The following XXYLT1 variants were observed in gnomAD, a reference collection of about 807,000 sequenced individuals.
The protein encoded by XXYLT1 is UDP-xylose:alpha-xyloside alpha-1,3-xylosyltransferase.
Under a neutral mutation model 28.9 loss-of-function variants are expected in XXYLT1, and 20 were observed. The ratio of observed to expected loss-of-function variants is 0.69; its 90% CI spans 0.49 to 1.00. The LOEUF (loss-of-function observed/expected upper bound fraction) is 1.00. XXYLT1 is among the 50% of genes least tolerant of loss of function. The probability of loss-of-function intolerance (pLI) is 0.00; values close to 1 mark genes in which losing one functional copy is unlikely to be tolerated. For synonymous variants in XXYLT1, 257 were observed against 253.8 expected (o/e 1.01, Z -0.12); for missense variants, 542 against 560.1 (o/e 0.97, Z 0.33).
At chr3:195,267,197 C>T (rs1725873000) in intron 1 of XXYLT1, among the ~76,000 whole-genome samples, 1 of 152,256 alleles carries the variant, frequency 6.6e-6, no homozygotes, top group Non-Finnish European at 1.5e-5. Flanking sequence ...CGTGCCAGTT[C>T]ACTGTGGCCC....
At chr3:195,171,652 C>T (rs771335331) in intron 2 of XXYLT1, among the ~76,000 whole-genome samples, 4 of 152,222 alleles carry the variant, frequency 2.6e-5, no homozygotes, top group Non-Finnish European at 5.9e-5. Flanking sequence ...AAAGCGTGTA[C>T]TGCTCTGATG....
At position 195,209,606 on chromosome 3, in the gene XXYLT1, G is replaced by C. The variant is rs997534772; in HGVS notation, c.652+17103C>G. The stretch of plus-strand genomic sequence containing the variant: ...GGCGAGGCCTTCAAGCCAGAACGGA[G>C]AGCTCAGCAAGCCCAGGCAGTGGGA... On this transcript the variant is annotated intron_variant, in intron 2 of 3. Coordinates refer to ENST00000310380, the MANE Select transcript of XXYLT1 (RefSeq NM_152531.5). The surrounding 1 kb of genome is among the most constrained non-coding windows in gnomAD (Gnocchi z 5.0). The C allele has an allele frequency of 6.6e-5, 10 of 152,654 alleles. No individual in the cohort carries two copies. The highest frequency in any genetic ancestry group is 1.3e-4 in the Non-Finnish European group (9 of 68,300). 9.5% of individuals were successfully genotyped at this position (152,654 alleles called of 1,614,324 possible). A position where few individuals can be genotyped will look rare whatever the true frequency, so the allele number is the denominator to read the frequency against.
At chr3:195,249,572 G>A (rs955367179) in intron 1 of XXYLT1, among the ~76,000 whole-genome samples, 7 of 152,228 alleles carry the variant, frequency 4.6e-5, no homozygotes, top group African/African-American at 1.4e-4. Context: ...TGGCCAGAGA[G>A]GGGAAGGTCC....
rs1056429981 is a variant in XXYLT1, at chr3:195,209,839, A to T, written c.652+16870T>A. ...AGAGTAAGGGGACAGAAAACGGAAA[A>T]GCAGGCCCGAGACTCCGTCCAAGGC... On this transcript the variant is annotated intron_variant, in intron 2 of 3. Coordinates refer to ENST00000310380, the MANE Select transcript of XXYLT1 (RefSeq NM_152531.5). The surrounding 1 kb of genome is among the most constrained non-coding windows in gnomAD (Gnocchi z 5.0). 6.5e-6 allele frequency: 1 copy of T among 152,684 alleles called. No individual in the cohort carries two copies. Among genetic ancestry groups the T allele is most frequent in the Non-Finnish European group, 1.5e-5 (1 of 68,406 alleles). The allele number at this position is 152,684 out of a possible 1,614,324, so 9.5% of individuals were successfully genotyped here.
At chr3:195,121,140 T>G (rs1172587480) in intron 3 of XXYLT1, among the ~76,000 whole-genome samples, 1 of 152,212 alleles carries the variant, frequency 6.6e-6, no homozygotes, top group Non-Finnish European at 1.5e-5. Context: ...TTGGAAATGC[T>G]GCATCTACCA....
intron 3 of XXYLT1, among the ~76,000 whole-genome samples, chr3:195,155,361 G>A (rs1346484334): frequency 6.6e-6 from 1 of 152,164 alleles, no homozygotes; most frequent in African/African-American, 2.4e-5. Flanking sequence ...AAAGAGCGGG[G>A]CATGCCTGCG....
intron 3 of XXYLT1, 38 bp from the exon 4 acceptor site, chr3:195,070,149 GGGAACCA>G (rs1306026965): frequency 6.6e-7 from 1 of 1,507,148 alleles, no homozygotes; most frequent in East Asian, 2.3e-5. Flanking sequence ...CGGTGTGCAG[GGGAACCA>G]GCCTGCCGGC....
At chr3:195,096,472 G>T (rs982959490) in intron 3 of XXYLT1, among the ~76,000 whole-genome samples, 2 of 152,108 alleles carry the variant, frequency 1.3e-5, no homozygotes, top group African/African-American at 4.8e-5. Flanking sequence ...ATACGCACAC[G>T]TGTACGTAAC....
intron 3 of XXYLT1, among the ~76,000 whole-genome samples, chr3:195,121,744 G>A (rs543370760): frequency 7.9e-4 from 121 of 152,290 alleles, no homozygotes; most frequent in African/African-American, 2.7e-3. Flanking sequence ...CACTCGCCAG[G>A]TCGGGGACTC....
In XXYLT1 at chr3:195,134,121, C is replaced by T. The variant is rs192538538; in HGVS notation, c.785+22328G>A. On this transcript the variant is annotated intron_variant, in intron 3 of 3. Transcript: ENST00000310380. ...CTGTACAATATATTTGTGTTTTAAG[C>T]TGAGTGTTATTACAAGAGTCAAAAA... Among the ~76,000 whole-genome samples, 110 of 152,200 alleles carry T rather than the reference C, an allele frequency of 7.2e-4. 5 individuals are homozygous for T. The highest frequency in any genetic ancestry group is 2.6e-3 in the African/African-American group (107 of 41,522).
chr3:195,251,757 G>A (rs769014475), intron 1 of XXYLT1, among the ~76,000 whole-genome samples: 5 of 152,188 alleles, frequency 3.3e-5, no homozygotes, highest in Admixed American at 6.5e-5. Context: ...ACCAATAAAA[G>A]GGAGTCTCCG....
intron 2 of XXYLT1, among the ~76,000 whole-genome samples, chr3:195,220,747 C>A (rs1030399428): frequency 6.6e-6 from 1 of 152,216 alleles, no homozygotes; most frequent in Non-Finnish European, 1.5e-5. Context: ...AGCCTCTGGG[C>A]TCCCACAGCC....
chr3:195,242,204 T>C (rs1051486885), intron 1 of XXYLT1, among the ~76,000 whole-genome samples: 1 of 152,188 alleles, frequency 6.6e-6, no homozygotes, highest in Non-Finnish European at 1.5e-5. Context: ...GAGCAGTTCC[T>C]TCTGACCCCA....
rs533254668 is a variant in XXYLT1 at position 195,261,074 on chromosome 3, T to C, written c.504+9481A>G. On this transcript the variant is annotated intron_variant, in intron 1 of 3. Coordinates refer to ENST00000310380, the MANE Select transcript of XXYLT1 (RefSeq NM_152531.5). ...AGCCACCTGCTCTCAGCCTCAGGGA[T>C]GCCACACCTCTTTCCCCAGCCTCAG... is the stretch of plus-strand genomic sequence containing the variant. Among the ~76,000 whole-genome samples the C allele has an allele frequency of 8.5e-5, 13 of 152,332 alleles. No individual in the cohort carries two copies. The South Asian group carries it at 2.7e-3, about 32-fold the overall frequency.
intron 1 of XXYLT1, among the ~76,000 whole-genome samples, chr3:195,234,235 G>A (rs1724428880): frequency 4.0e-5 from 6 of 149,876 alleles, no homozygotes; most frequent in Admixed American, 4.0e-4. Context: ...TTGTACGATA[G>A]GTCTGGTATT....
chr3:195,088,097 G>A lies in XXYLT1; in HGVS notation c.786-17986C>T, dbSNP rs113441202. Among the ~76,000 whole-genome samples, 115 of 151,968 alleles carry A rather than the reference G, an allele frequency of 7.6e-4. 1 individual carries two copies. The Middle Eastern group carries it at 0.01, about 13-fold the overall frequency. ...TGAGATCAAACTGCAAGGTGGCAGC[G>A]AGGCTGGGGGAGGGGCGCCCGCCAT... On this transcript the variant is annotated intron_variant, in intron 3 of 3. Transcript: ENST00000310380.
Position 195,096,652 on chromosome 3 carries a change from TC to T in XXYLT1, c.786-26542del, listed in dbSNP as rs201046998. On this transcript the variant is annotated intron_variant, in intron 3 of 3. Transcript: ENST00000310380. Reference sequence around the variant, plus strand: ...AGATGTGCAAGGAAACCATTCCTTCTCCTCCTCAGGCCTTCTCAGTGCCCTG... The same window carrying T: ...AGATGTGCAAGGAAACCATTCCTTCTCTCCTCAGGCCTTCTCAGTGCCCTG... 1.9e-4 allele frequency among the ~76,000 whole-genome samples: 25 copies of T among 129,634 alleles called. No individual in the cohort carries two copies. In the East Asian group the frequency reaches 8.3e-3, roughly 43 times the overall value. The allele number at this position is 129,634 out of a possible 152,430, so 85.0% of individuals were successfully genotyped here. A position where few individuals can be genotyped will look rare whatever the true frequency, so the allele number is the denominator to read the frequency against.
intron 3 of XXYLT1, chr3:195,087,127 C>T (rs12629887): frequency 0.05 from 7,566 of 152,438 alleles, 268 homozygotes; most frequent in East Asian, 0.12. Flanking sequence ...CCCGTGTGGC[C>T]CGTTGACACG....
intron 3 of XXYLT1, among the ~76,000 whole-genome samples, chr3:195,118,078 T>G (rs982472339): frequency 6.6e-6 from 1 of 152,242 alleles, no homozygotes; most frequent in Admixed American, 6.5e-5. Context: ...CTGTCCCATA[T>G]GAAGACAGAG....
Sources: gnomAD v4.1 joint callset for allele counts (sites outside exome capture counted in the v4.1 genomes callset) on GRCh38, gnomAD v4.1.1 for gene constraint, Gnocchi (gnomAD v3.1) non-coding constraint, MANE v1.5 for transcripts, NCBI Gene and HGNC (gene_info 2026-07-23, HGNC 2026-07-21) for gene names.